The following SEZ6L variants were observed in gnomAD, a reference collection of about 807,000 sequenced individuals.
SEZ6L encodes the protein seizure related 6 homolog like, also known as seizure 6-like protein.
A neutral mutation model predicts 106.2 loss-of-function variants in SEZ6L; 37 were observed. That is an observed-to-expected ratio of 0.35 (90% CI 0.27 to 0.46). The LOEUF (loss-of-function observed/expected upper bound fraction) is 0.46, where lower values mean the gene tolerates loss of function less well. Among genes scored for constraint, SEZ6L ranks in the 20% least tolerant of loss-of-function variants. SEZ6L has a pLI of 1.00. For synonymous variants in SEZ6L, 541 were observed against 570.4 expected (o/e 0.95, Z 0.73); for missense variants, 1,172 against 1,332.8 (o/e 0.88, Z 1.88).
intron 9 of SEZ6L, among the ~76,000 whole-genome samples, chr22:26,327,161 G>A (rs975180998): frequency 7.9e-5 from 12 of 151,624 alleles, no homozygotes; most frequent in Admixed American, 7.2e-4. Context: ...GCAGAGCCCC[G>A]GCCCACCGCC....
intron 1 of SEZ6L, among the ~76,000 whole-genome samples, chr22:26,260,073 A>T (rs1273939350): frequency 6.6e-6 from 1 of 152,240 alleles, no homozygotes; most frequent in Non-Finnish European, 1.5e-5. Flanking sequence ...TACACAATGC[A>T]AAGGTAAACA....
intron 1 of SEZ6L, among the ~76,000 whole-genome samples, chr22:26,194,733 A>G (rs1940470258): frequency 6.6e-6 from 1 of 152,180 alleles, no homozygotes; most frequent in Non-Finnish European, 1.5e-5. Context: ...TCCTCCACTT[A>G]CAAGCTGTGC....
chr22:26,266,515 A>G (rs934112309), intron 1 of SEZ6L, among the ~76,000 whole-genome samples: 9 of 151,718 alleles, frequency 5.9e-5, no homozygotes, highest in South Asian at 4.2e-4. Context: ...GGAGCTTGCA[A>G]TGAGCCGAGA....
chr22:26,278,778 A>AAGGAAGGAAGGAAGGG (rs1336558014), intron 1 of SEZ6L, among the ~76,000 whole-genome samples: 7 of 151,078 alleles, frequency 4.6e-5, no homozygotes, highest in Non-Finnish European at 1.0e-4. Flanking sequence ...AGAAGGAAAG[A>AAGGAAGGAAGGAAGGG]AGGAAGGAAG....
intron 14 of SEZ6L, among the ~76,000 whole-genome samples, chr22:26,375,020 C>G (rs606265): frequency 0.73 from 111,572 of 151,948 alleles, 41,387 homozygotes; most frequent in East Asian, 0.98. Context: ...AGGTCTAGGA[C>G]GGGCCCGTCA....
At chr22:26,199,626 A>T (rs1382065643) in intron 1 of SEZ6L, among the ~76,000 whole-genome samples, 1 of 152,236 alleles carries the variant, frequency 6.6e-6, no homozygotes, top group Non-Finnish European at 1.5e-5. Flanking sequence ...TTTATGCAGC[A>T]AAACTTAAGC....
chr22:26,206,306 T>C (rs976589), intron 1 of SEZ6L, among the ~76,000 whole-genome samples: 1 of 152,076 alleles, frequency 6.6e-6, no homozygotes, highest in African/African-American at 2.4e-5. Flanking sequence ...TTACCCCCAA[T>C]TCCTGCTCCA....
intron 11 of SEZ6L, among the ~76,000 whole-genome samples, chr22:26,350,180 A>ATGTG (rs990711417): frequency 5.4e-5 from 8 of 147,292 alleles, no homozygotes; most frequent in Non-Finnish European, 1.2e-4. Context: ...ATTCATATAT[A>ATGTG]TGTGTGTGTG....
At chr22:26,284,626 A>AAAAC (rs2080876640) in intron 1 of SEZ6L, among the ~76,000 whole-genome samples, 1 of 133,964 alleles carries the variant, frequency 7.5e-6, no homozygotes, top group Non-Finnish European at 1.6e-5. Flanking sequence ...AAAAAAAAAA[A>AAAAC]AAAAAACCCT....
At chr22:26,209,592 A>G (rs1223310396) in intron 1 of SEZ6L, among the ~76,000 whole-genome samples, 4 of 150,834 alleles carry the variant, frequency 2.7e-5, no homozygotes, top group Admixed American at 2.0e-4. Context: ...GATAGATGGT[A>G]GGAAAAAAGG....
At chr22:26,356,112 C>T (rs111515614) in intron 12 of SEZ6L, among the ~76,000 whole-genome samples, 22 of 152,328 alleles carry the variant, frequency 1.4e-4, no homozygotes, top group Admixed American at 3.9e-4. Context: ...TGCAGGCACA[C>T]GCTAGGACAG....
intron 1 of SEZ6L, among the ~76,000 whole-genome samples, chr22:26,222,512 T>C (rs994374848): frequency 6.6e-6 from 1 of 152,176 alleles, no homozygotes; most frequent in Non-Finnish European, 1.5e-5. Context: ...TCTTGTGTTC[T>C]AGCCACTTGA....
chr22:26,178,714 A>G (rs972505826), intron 1 of SEZ6L, among the ~76,000 whole-genome samples: 15 of 152,180 alleles, frequency 9.9e-5, no homozygotes, highest in African/African-American at 3.6e-4. Context: ...GCCGTACACC[A>G]TAATAAAAAA....
intron 1 of SEZ6L, among the ~76,000 whole-genome samples, chr22:26,253,622 G>C (rs1469523018): frequency 6.6e-6 from 1 of 152,056 alleles, no homozygotes; most frequent in African/African-American, 2.4e-5. Context: ...ATTATTATTT[G>C]GTTCTTTATC....
intron 1 of SEZ6L, among the ~76,000 whole-genome samples, chr22:26,187,296 C>G (rs1939846260): frequency 6.6e-6 from 1 of 152,208 alleles, no homozygotes. Context: ...AACTCACTCA[C>G]TATCACGAGA....
chr22:26,243,772 C>A (rs2145776374), intron 1 of SEZ6L, among the ~76,000 whole-genome samples: 1 of 152,236 alleles, frequency 6.6e-6, no homozygotes, highest in South Asian at 2.1e-4. Context: ...CTAAGTTCAT[C>A]AAAGCACCTG....
At chr22:26,231,424 C>A (rs1307960897) in intron 1 of SEZ6L, among the ~76,000 whole-genome samples, 4 of 152,150 alleles carry the variant, frequency 2.6e-5, no homozygotes, top group Non-Finnish European at 5.9e-5. Flanking sequence ...TGAGCCCTGC[C>A]TCCAGTGTCT....
chr22:26,184,358 C>G (rs1939624634), intron 1 of SEZ6L, among the ~76,000 whole-genome samples: 1 of 152,166 alleles, frequency 6.6e-6, no homozygotes, highest in South Asian at 2.1e-4. Context: ...CTGCCTCCCT[C>G]TCCACCCCAC....
At chr22:26,263,417 A>T (rs2080081065) in intron 1 of SEZ6L, among the ~76,000 whole-genome samples, 1 of 152,234 alleles carries the variant, frequency 6.6e-6, no homozygotes. Flanking sequence ...TCTGGATGAG[A>T]CATCAAGACT....
Sources: gnomAD v4.1 joint callset for allele counts (sites outside exome capture counted in the v4.1 genomes callset) on GRCh38, gnomAD v4.1.1 for gene constraint, MANE v1.5 for transcripts, NCBI Gene and HGNC (gene_info 2026-07-23, HGNC 2026-07-21) for gene names.